Variants in MAP3K20 observed in about 807,000 individuals in gnomAD.
The protein encoded by MAP3K20 is mitogen-activated protein kinase kinase kinase 20, also known as HCCS-4.
In MAP3K20, 40 loss-of-function variants were observed where a neutral mutation model predicts 85.7. That is an observed-to-expected ratio of 0.47 (90% CI 0.36 to 0.61). The LOEUF (loss-of-function observed/expected upper bound fraction) is 0.61. Ranked by LOEUF, MAP3K20 falls within the 20% of genes least tolerant of loss-of-function variation. The pLI is 0.00. For synonymous variants in MAP3K20, 325 were observed against 327.7 expected, an observed-to-expected ratio of 0.99 and a Z score of 0.09; for missense variants, 817 against 961.7, an observed-to-expected ratio of 0.85 and a Z score of 1.99.
At chr2:173,161,881 T>C (rs1181344465) in intron 2 of MAP3K20, among the ~76,000 whole-genome samples, 4 of 152,206 alleles carry the variant, frequency 2.6e-5, no homozygotes, top group African/African-American at 4.8e-5. Context: ...AGTTTTTATA[T>C]GCCTACCGTA....
intron 11 of MAP3K20, chr2:173,221,333 A>C: frequency 6.2e-7 from 1 of 1,613,862 alleles, no homozygotes; most frequent in Non-Finnish European, 8.5e-7. Context: ...CTCAATGAAC[A>C]AAGCAGGAGC....
At chr2:173,258,577 A>G (rs1574165114) in intron 16 of MAP3K20, 122 bp from the exon 17 acceptor site, 2 of 94,452 alleles carry the variant, frequency 2.1e-5, no homozygotes, top group South Asian at 2.5e-4. Flanking sequence ...TTGAAAAAGG[A>G]AAAAAAAAAA....
chr2:173,192,368 A>G (rs1269611755), intron 7 of MAP3K20, among the ~76,000 whole-genome samples: 1 of 152,216 alleles, frequency 6.6e-6, no homozygotes, highest in Non-Finnish European at 1.5e-5. Flanking sequence ...ATCATAACAC[A>G]TCCTATGTAT....
chr2:173,256,728 C>T (rs1325951489), intron 16 of MAP3K20, among the ~76,000 whole-genome samples: 1 of 152,194 alleles, frequency 6.6e-6, no homozygotes, highest in Non-Finnish European at 1.5e-5. Context: ...CTATACTTGG[C>T]TTATCACATA....
intron 2 of MAP3K20, among the ~76,000 whole-genome samples, chr2:173,161,273 T>C (rs1488745618): frequency 6.6e-6 from 1 of 152,204 alleles, no homozygotes; most frequent in Non-Finnish European, 1.5e-5. Context: ...CACAGTGAAC[T>C]AGTGAACATA....
In MAP3K20 at chr2:173,266,048, A is replaced by C; in HGVS notation, c.1703-2A>C. ...AGATGCTCATTTCCATTTCTCCCGC[A>C]GGTGCTGATTGCCAGTGGTTAGATA... On this transcript the variant is annotated splice_acceptor_variant, in intron 19 of 19. Coordinates refer to ENST00000375213, the MANE Select transcript of MAP3K20 (RefSeq NM_016653.3). LOFTEE classifies it high-confidence loss of function. The C allele has an allele frequency of 6.4e-7, 1 of 1,558,956 alleles. No individual in the cohort carries two copies. The highest frequency in any genetic ancestry group is 8.7e-7 in the Non-Finnish European group (1 of 1,148,946).
chr2:173,259,404 G>C (rs1362344523), intron 17 of MAP3K20, among the ~76,000 whole-genome samples: 1 of 151,972 alleles, frequency 6.6e-6, no homozygotes, highest in East Asian at 1.9e-4. Flanking sequence ...TCCTCAAAAT[G>C]GAAAAAAATT....
In MAP3K20 at chr2:173,258,733, G is replaced by T. The variant is rs1685219772; in HGVS notation, c.1394G>T (p.Gly465Val). The change falls in exon 17 of 20, where the codon GGG becomes GTG. Residue 465 changes from glycine (G) to valine (V), a missense_variant. This residue lies in a region of MAP3K20 where 454 missense variants were observed against 476.9 expected (regional missense o/e 0.95). Transcript: ENST00000375213. ...TGGAAAATGTATATGGAGATGGATG[G>T]GGATGAAATTGCAATAACCTACATA... ...CKWKMYMEMDGDEIAITYIKD... is the reference protein window; with the variant it reads ...CKWKMYMEMDVDEIAITYIKD... 3 of 1,611,566 alleles carry T rather than the reference G, an allele frequency of 1.9e-6. No homozygotes were observed. The highest frequency in any genetic ancestry group is 1.7e-4 in the Middle Eastern group (1 of 5,982).
At chr2:173,199,295 T>C (rs1177294466) in intron 8 of MAP3K20, among the ~76,000 whole-genome samples, 3 of 152,180 alleles carry the variant, frequency 2.0e-5, no homozygotes, top group African/African-American at 7.2e-5. Context: ...TGGGAGTGGA[T>C]GAAATGTTGA....
At chr2:173,095,588 G>T (rs1362096769) in intron 2 of MAP3K20, among the ~76,000 whole-genome samples, 1 of 152,154 alleles carries the variant, frequency 6.6e-6, no homozygotes, top group African/African-American at 2.4e-5. Context: ...AATGTATCAA[G>T]AATCTTAAAA....
At chr2:173,263,980 A>AT in intron 19 of MAP3K20, 85 bp downstream of exon 19, 1 of 1,498,902 alleles carries the variant, frequency 6.7e-7, no homozygotes, top group Non-Finnish European at 8.9e-7. Flanking sequence ...GACTCAGAGG[A>AT]TACCACCTCA....
In MAP3K20 at chr2:173,266,264, T is replaced by A; in HGVS notation, c.1917T>A (p.Thr639=). The A allele has an allele frequency of 6.2e-7, 1 of 1,614,070 alleles. No individual in the cohort carries two copies. The highest frequency in any genetic ancestry group is 8.5e-7 in the Non-Finnish European group (1 of 1,179,992). The change falls in exon 20 of 20, where the codon ACT becomes ACA. Residue 639 remains threonine, a synonymous_variant. Coordinates refer to ENST00000375213, the MANE Select transcript of MAP3K20 (RefSeq NM_016653.3). ...ACCAGTCCAGAAGCTCGTCTCCTACTCAGTATGGACTGACCAAAAACTTCT... is the reference window on the plus strand; with the variant it reads ...ACCAGTCCAGAAGCTCGTCTCCTACACAGTATGGACTGACCAAAAACTTCT... ...PVNQSRSSSP[T]QYGLTKNFSS...
intron 2 of MAP3K20, among the ~76,000 whole-genome samples, chr2:173,108,236 G>A (rs1205513671): frequency 4.6e-5 from 7 of 151,708 alleles, no homozygotes; most frequent in South Asian, 2.1e-4. Flanking sequence ...AGGTTCAAGC[G>A]ATTCTCCTGC....
rs569278946 is a variant in MAP3K20, at chr2:173,257,700, A to G, written c.1360-999A>G. Among the ~76,000 whole-genome samples, 24 of 152,274 alleles carry G rather than the reference A, an allele frequency of 1.6e-4. No individual in the cohort carries two copies. The East Asian group carries it at 4.4e-3, about 28-fold the overall frequency. The stretch of plus-strand genomic sequence containing the variant: ...AGAATTTCTGGGTCATAGAATAGGC[A>G]TATATTTGGTTTTATAATAAATTAC... On this transcript the variant is annotated intron_variant, in intron 16 of 19. Coordinates refer to ENST00000375213, the MANE Select transcript of MAP3K20 (RefSeq NM_016653.3).
chr2:173,226,733 C>A (rs74379618), intron 11 of MAP3K20: 3 of 985,578 alleles, frequency 3.0e-6, no homozygotes, highest in South Asian at 9.4e-5. Flanking sequence ...AATAGTATAT[C>A]TTTTAATGTC....
intron 2 of MAP3K20, among the ~76,000 whole-genome samples, chr2:173,140,560 G>C (rs1688942163): frequency 6.6e-6 from 1 of 151,664 alleles, no homozygotes; most frequent in Non-Finnish European, 1.5e-5. Context: ...ATTTTGGTCA[G>C]GTTGTTCTCG....
chr2:173,261,632 C>G (rs1685296935), intron 18 of MAP3K20, among the ~76,000 whole-genome samples: 1 of 152,248 alleles, frequency 6.6e-6, no homozygotes, highest in Admixed American at 6.5e-5. Context: ...TTCATTCATT[C>G]AAGAAACATT....
chr2:173,091,146 G>T lies in MAP3K20; in HGVS notation c.115G>T (p.Asp39Tyr). ...SVYRAKWISQ[D>Y]KEVAVKKLLK... The stretch of plus-strand genomic sequence containing the variant: ...TTATCGAGCCAAATGGATATCACAG[G>T]ACAAGGAGGTGGCTGTAAAGAAGCT... The change falls in exon 2 of 20, where the codon GAC becomes TAC. Residue 39 changes from aspartate (D) to tyrosine (Y), a missense_variant. Physicochemically the swap from Asp to Tyr is radical, Grantham distance 160. Coordinates refer to ENST00000375213, the MANE Select transcript of MAP3K20 (RefSeq NM_016653.3). The T allele has an allele frequency of 1.2e-6, 2 of 1,613,982 alleles. No individual in the cohort carries two copies. Among genetic ancestry groups the T allele is most frequent in the Non-Finnish European group, 1.7e-6 (2 of 1,179,956 alleles).
intron 16 of MAP3K20, among the ~76,000 whole-genome samples, chr2:173,244,549 A>G (rs140176415): frequency 6.6e-6 from 1 of 152,368 alleles, no homozygotes; most frequent in African/African-American, 2.4e-5. Flanking sequence ...TGAGGCAAGG[A>G]CAGAGCTAAG....
Sources: allele counts gnomAD v4.1 joint callset (sites outside exome capture counted in the v4.1 genomes callset), GRCh38; gene constraint gnomAD v4.1.1; regional missense constraint gnomAD v4.1.1; transcripts MANE v1.5; gene names NCBI Gene and HGNC (gene_info 2026-07-23, HGNC 2026-07-21).